EXOC3L4: variants seen among roughly 807,000 people sequenced by gnomAD.
EXOC3L4 encodes exocyst complex component 3-like protein 4.
In EXOC3L4, 62 loss-of-function variants were observed where a neutral mutation model predicts 69.7. The observed-to-expected ratio is 0.89, with a 90% CI of 0.72 to 1.10. EXOC3L4 has a LOEUF of 1.10. Among genes scored for constraint, EXOC3L4 ranks in the 50% least tolerant of loss-of-function variants. The pLI is 0.00. For missense variants in EXOC3L4, 1,087 were observed against 1,034.8 expected (o/e 1.05, Z -0.69); for synonymous variants, 502 against 464.2 (o/e 1.08, Z -1.05).
chr14:103,100,587 C>T lies in EXOC3L4; in HGVS notation c.368C>T (p.Ala123Val), dbSNP rs1457162687. Residue 123 changes from alanine to valine, a missense_variant, in exon 2 of 12, where the codon GCG becomes GTG. Physicochemically the swap from Ala to Val is moderately conservative, Grantham distance 64. Transcript: ENST00000688303. ...AGCCAGCAGGCATCCACTGGGGCAGCGTCTGAGGAACTGAAACCCGAGGCA... is the reference window on the plus strand; with the variant it reads ...AGCCAGCAGGCATCCACTGGGGCAGTGTCTGAGGAACTGAAACCCGAGGCA... ...GVSQQASTGAASEELKPEAEG... is the reference protein window; with the variant it reads ...GVSQQASTGAVSEELKPEAEG... 8.1e-6 allele frequency: 13 copies of T among 1,605,164 alleles called. No homozygotes were observed. Among genetic ancestry groups the T allele is most frequent in the Middle Eastern group, 1.7e-4 (1 of 6,024 alleles).
upstream of EXOC3L4, among the ~76,000 whole-genome samples, chr14:103,094,431 C>A (rs113750060): frequency 2.1e-3 from 321 of 152,220 alleles, no homozygotes; most frequent in African/African-American, 7.5e-3. Context: ...CTTCCGCTGG[C>A]CTCTGAGCAA....
chr14:103,110,449 C>A lies in EXOC3L4; in HGVS notation c.*226C>A. 1 of 647,104 alleles carries A rather than the reference C, an allele frequency of 1.5e-6. No homozygotes were observed. Among genetic ancestry groups the A allele is most frequent in the Non-Finnish European group, 2.8e-6 (1 of 363,238 alleles). 40.1% of individuals were successfully genotyped at this position (647,104 alleles called of 1,614,324 possible). A position where few individuals can be genotyped will look rare whatever the true frequency, so the allele number is the denominator to read the frequency against. ...GAGTGTTTTGGGGCCGCAGAGCTCT[C>A]AATGCTGCCTATCGGGCGGGGGGGG... On this transcript the variant is annotated 3_prime_UTR_variant, in exon 12 of 12. Transcript: ENST00000688303.
chr14:103,104,790 C>G lies in EXOC3L4; in HGVS notation c.1337C>G (p.Ala446Gly). The change falls in exon 6 of 12, where the codon GCC becomes GGC. Residue 446 changes from alanine to glycine, a missense_variant. Transcript: ENST00000688303. ...GGCGCCATCTCCGCGGAGCTGGAGG[C>G]CACCACCCTGCGAATCTGCACGCGG... is the stretch of plus-strand genomic sequence containing the variant. ...AAGAISAELE[A>G]TTLRICTRAL... is the part of the protein sequence containing the mutation. The G allele has an allele frequency of 6.6e-7, 1 of 1,526,536 alleles. No homozygotes were observed. Among genetic ancestry groups the G allele is most frequent in the Admixed American group, 2.1e-5 (1 of 48,186 alleles). 94.6% of individuals were successfully genotyped at this position (1,526,536 alleles called of 1,614,324 possible).
At position 103,104,029 on chromosome 14, in the gene EXOC3L4, A is replaced by G. The variant is rs559319967; in HGVS notation, c.1138A>G (p.Ser380Gly). 7.0e-5 allele frequency: 111 copies of G among 1,577,240 alleles called. 1 individual carries two copies. The East Asian group carries it at 2.5e-3, about 36-fold the overall frequency. ...GCCGGACGTGTGGGCCCGACTGGAG[A>G]GCGACTACACCAGCTTCCTGGAGGT... is the stretch of plus-strand genomic sequence containing the variant. ...LAPDVWARLESDYTSFLEAKI... is the reference protein window; with the variant it reads ...LAPDVWARLEGDYTSFLEAKI... Residue 380 changes from serine (S) to glycine (G), a missense_variant, in exon 4 of 12, where the codon AGC becomes GGC. Physicochemically the swap from Ser to Gly is moderately conservative, Grantham distance 56. Transcript: ENST00000688303.
In EXOC3L4 at chr14:103,097,349, G is replaced by A. The variant is rs1448838646; in HGVS notation, c.-17+2509G>A. 1.3e-5 allele frequency among the ~76,000 whole-genome samples: 2 copies of A among 152,102 alleles called. No individual in the cohort carries two copies. The highest frequency in any genetic ancestry group is 2.1e-4 in the South Asian group (1 of 4,828). On this transcript the variant is annotated intron_variant, in intron 1 of 11. Transcript: ENST00000688303. The surrounding 1 kb of genome is among the most constrained non-coding windows in gnomAD (Gnocchi z 4.9). ...ATCAGGGAGCGGCAGCATAGGAGCC[G>A]GGGCCCCCTGGACTCTCCGGGCACT...
In EXOC3L4 at chr14:103,103,927, G is replaced by T; in HGVS notation, c.1050-14G>T. 1 of 1,530,886 alleles carries T rather than the reference G, an allele frequency of 6.5e-7. No homozygotes were observed. Among genetic ancestry groups the T allele is most frequent in the East Asian group, 2.4e-5 (1 of 40,934 alleles). 94.8% of individuals were successfully genotyped at this position (1,530,886 alleles called of 1,614,324 possible). On this transcript the variant is annotated splice_polypyrimidine_tract_variant and intron_variant, in intron 3 of 11. Coordinates refer to ENST00000688303, the MANE Select transcript of EXOC3L4 (RefSeq NM_001077594.2). ...GAGCCGCTCCCGCCCCCAGCCCCCT[G>T]CCCTGTCTTCCAGTCCTGACTTCCT...
intron 8 of EXOC3L4, 110 bp downstream of exon 8, chr14:103,107,009 A>C: frequency 2.5e-5 from 24 of 958,914 alleles, no homozygotes; most frequent in Non-Finnish European, 3.4e-5. Flanking sequence ...GGGTGAGCTC[A>C]TGGGTGTGTG....
chr14:103,094,376 G>A (rs992939943), upstream of EXOC3L4, among the ~76,000 whole-genome samples: 2 of 152,162 alleles, frequency 1.3e-5, no homozygotes, highest in Non-Finnish European at 2.9e-5. Flanking sequence ...GGGTCCTTCT[G>A]GGCTCCGGCA....
chr14:103,108,777 AC>A lies in EXOC3L4; in HGVS notation c.1976+266del, dbSNP rs1566953902. ...GTCCTGGAATCTGAGGGGGAGGCGG[AC>A]CCCCCACCCCTGGGGAGAAAGCCCT... On this transcript the variant is annotated intron_variant, in intron 11 of 11. Transcript: ENST00000688303. 2.0e-5 allele frequency among the ~76,000 whole-genome samples: 3 copies of A among 151,734 alleles called. No individual in the cohort carries two copies. The South Asian group carries it at 6.2e-4, about 32-fold the overall frequency.
chr14:103,104,199 C>G (rs1478274054), intron 4 of EXOC3L4, 68 bp from the exon 5 acceptor site: 1 of 1,473,228 alleles, frequency 6.8e-7, no homozygotes, highest in Admixed American at 2.4e-5. Flanking sequence ...ACAGGGCGGC[C>G]CTCATCCCGG....
chr14:103,108,649 A>G (rs947920194), intron 11 of EXOC3L4, 132 bp downstream of exon 11: 3 of 1,209,848 alleles, frequency 2.5e-6, no homozygotes, highest in Non-Finnish European at 3.5e-6. Context: ...TAGGCCTTGG[A>G]CCCTCAGACC....
rs532248446 is a variant in EXOC3L4 at position 103,105,920 on chromosome 14, G to A, written c.1466+848G>A. ...GTGCCACCTGCTGGCTGTGTGCTCC[G>A]GGACAAGCCACCTCCCCTCTGTGGC... On this transcript the variant is annotated intron_variant, in intron 7 of 11. Coordinates refer to ENST00000688303, the MANE Select transcript of EXOC3L4 (RefSeq NM_001077594.2). Among the ~76,000 whole-genome samples, 5 of 152,312 alleles carry A rather than the reference G, an allele frequency of 3.3e-5. No homozygotes were observed. In the East Asian group the frequency reaches 7.7e-4, roughly 23 times the overall value.
Position 103,102,575 on chromosome 14 carries a change from C to G in EXOC3L4, c.852C>G (p.Gly284=). 1 of 1,461,532 alleles carries G rather than the reference C, an allele frequency of 6.8e-7. No homozygotes were observed. Among genetic ancestry groups the G allele is most frequent in the Non-Finnish European group, 9.0e-7 (1 of 1,109,710 alleles). The allele number at this position is 1,461,532 out of a possible 1,614,324, so 90.5% of individuals were successfully genotyped here. ...CCCAGCTTCTGGCCGAGCTGGGTGG[C>G]TTGGTTCGCCGCGACCTGCAGAAGG... is the stretch of plus-strand genomic sequence containing the variant. The part of the protein sequence containing the change: ...GLAQLLAELG[G]LVRRDLQKVR... The change falls in exon 3 of 12, where the codon GGC becomes GGG. Residue 284 remains glycine (G), a synonymous_variant. Coordinates refer to ENST00000688303, the MANE Select transcript of EXOC3L4 (RefSeq NM_001077594.2).
At chr14:103,103,764 G>T in intron 3 of EXOC3L4, 177 bp from the exon 4 acceptor site, 1 of 530,216 alleles carries the variant, frequency 1.9e-6, no homozygotes. Context: ...TTCCCGGGAG[G>T]GGGTGTGGCA....
rs1386372292 is a variant in EXOC3L4, at chr14:103,097,711, G to A, written c.-16-2493G>A. On this transcript the variant is annotated intron_variant, in intron 1 of 11. Coordinates refer to ENST00000688303, the MANE Select transcript of EXOC3L4 (RefSeq NM_001077594.2). The surrounding 1 kb of genome is among the most constrained non-coding windows in gnomAD (Gnocchi z 4.9). ...GAGCAGATAGATGGTGACGGCCGGTGGTGCAAGGCATCTGAACCCCGAGGT... is the reference window on the plus strand; with the variant it reads ...GAGCAGATAGATGGTGACGGCCGGTAGTGCAAGGCATCTGAACCCCGAGGT... 6.6e-6 allele frequency among the ~76,000 whole-genome samples: 1 copy of A among 152,188 alleles called. No homozygotes were observed.
chr14:103,102,466 C>A lies in EXOC3L4; in HGVS notation c.743C>A (p.Ala248Glu). 6.9e-7 allele frequency: 1 copy of A among 1,453,068 alleles called. No individual in the cohort carries two copies. Among genetic ancestry groups the A allele is most frequent in the South Asian group, 1.4e-5 (1 of 70,986 alleles). 90.0% of individuals were successfully genotyped at this position (1,453,068 alleles called of 1,614,324 possible). A position where few individuals can be genotyped will look rare whatever the true frequency, so the allele number is the denominator to read the frequency against. The change falls in exon 3 of 12, where the codon GCG becomes GAG. Residue 248 changes from alanine (A) to glutamate (E), a missense_variant. By Grantham distance (107) the Ala-to-Glu change is moderately radical. Coordinates refer to ENST00000688303, the MANE Select transcript of EXOC3L4 (RefSeq NM_001077594.2). ...CGCTGGCGCCAGCACTGGGAGGAGG[C>A]GGTGCGGCGAAGCGCTCAGGAGCGC... The part of the protein sequence containing the change: ...PRRWRQHWEE[A>E]VRRSAQERVR...
chr14:103,096,401 C>CTTTTTTTTTTT (rs56362121), intron 1 of EXOC3L4, among the ~76,000 whole-genome samples: 2,536 of 131,722 alleles, frequency 0.019, 129 homozygotes, highest in African/African-American at 0.065. Context: ...TGGCAAGATT[C>CTTTTTTTTTTT]TTTTTTTTTT....
Position 103,107,756 on chromosome 14 carries a change from G to C in EXOC3L4, c.1827G>C (p.Gln609His). Reference sequence around the variant, plus strand: ...CCCAGAAGATGAGCCTGGATGCCCAGGCCATCAGCGACACCTTCCAGGGCC... The same window carrying C: ...CCCAGAAGATGAGCCTGGATGCCCACGCCATCAGCGACACCTTCCAGGGCC... Reference protein sequence around the residue: ...HGSQKMSLDAQAISDTFQGLG... With the variant: ...HGSQKMSLDAHAISDTFQGLG... Residue 609 changes from glutamine (Q) to histidine (H), a missense_variant, in exon 10 of 12, where the codon CAG becomes CAC. Gln to His is a conservative substitution (Grantham distance 24, BLOSUM62 0). Coordinates refer to ENST00000688303, the MANE Select transcript of EXOC3L4 (RefSeq NM_001077594.2). The C allele has an allele frequency of 6.5e-7, 1 of 1,537,662 alleles. No individual in the cohort carries two copies. Among genetic ancestry groups the C allele is most frequent in the Non-Finnish European group, 8.8e-7 (1 of 1,137,036 alleles).
At chr14:103,105,332 G>A (rs1890484792) in intron 7 of EXOC3L4, among the ~76,000 whole-genome samples, 1 of 151,664 alleles carries the variant, frequency 6.6e-6, no homozygotes, top group Admixed American at 6.6e-5. Flanking sequence ...GAGGCTGTGT[G>A]TGTGCGTGTT....
Sources: allele counts gnomAD v4.1 joint callset (sites outside exome capture counted in the v4.1 genomes callset), GRCh38; gene constraint gnomAD v4.1.1; non-coding constraint Gnocchi (gnomAD v3.1); transcripts MANE v1.5; gene names NCBI Gene and HGNC (gene_info 2026-07-23, HGNC 2026-07-21).